UGGT1: variants seen among roughly 807,000 people sequenced by gnomAD.
UGGT1 encodes UDP-glucose glycoprotein glucosyltransferase 1.
UGGT1 carries 107 observed loss-of-function variants against 203.9 expected under a neutral mutation model. The observed-to-expected ratio is 0.52, with a 90% CI of 0.45 to 0.62. The LOEUF (loss-of-function observed/expected upper bound fraction) is 0.62, where lower values mean the gene tolerates loss of function less well. UGGT1 is among the 20% of genes least tolerant of loss of function. The pLI, the probability that UGGT1 is intolerant of heterozygous loss-of-function variation, is 0.00. For missense variants in UGGT1, 1,673 were observed against 1,867.2 expected, an observed-to-expected ratio of 0.90 and a Z score of 1.92; for synonymous variants, 628 against 653.5, an observed-to-expected ratio of 0.96 and a Z score of 0.59.
In UGGT1 at chr2:128,107,960, T is replaced by G. The variant is rs1286522355; in HGVS notation, c.300T>G (p.His100Gln). Residue 100 changes from histidine to glutamine, a missense_variant, in exon 4 of 41, where the codon CAT (histidine) becomes CAG (glutamine). Coordinates refer to ENST00000259253, the MANE Select transcript of UGGT1 (RefSeq NM_020120.4). Reference protein sequence around the residue: ...DHDGTDYSYYHAILEAAFQFL... With the variant: ...DHDGTDYSYYQAILEAAFQFL... ...CAGGTACCGATTATTCCTACTATCA[T>G]GCAATATTGGAGGCTGCATTTCAGT... 6.2e-7 allele frequency: 1 copy of G among 1,614,066 alleles called. No homozygotes were observed. The highest frequency in any genetic ancestry group is 8.5e-7 in the Non-Finnish European group (1 of 1,180,018).
intron 26 of UGGT1, among the ~76,000 whole-genome samples, chr2:128,168,975 A>T (rs555787618): frequency 7.5e-6 from 1 of 132,786 alleles, no homozygotes; most frequent in Admixed American, 8.8e-5. Context: ...TGAGCCGGGG[A>T]GGTGGAGGTT....
In UGGT1 at chr2:128,180,383, A is replaced by G. The variant is rs150741227; in HGVS notation, c.3901-507A>G. On this transcript the variant is annotated intron_variant, in intron 35 of 40. Transcript: ENST00000259253. ...TAGAATTTACTAAGTGACTTTTAATATATTCAATAACCATTCTCCTTGATA... is the reference window on the plus strand; with the variant it reads ...TAGAATTTACTAAGTGACTTTTAATGTATTCAATAACCATTCTCCTTGATA... 2.7e-3 allele frequency among the ~76,000 whole-genome samples: 415 copies of G among 152,332 alleles called. 2 individuals are homozygous for G. Among genetic ancestry groups the G allele is most frequent in the African/African-American group, 9.5e-3 (396 of 41,584 alleles).
At chr2:128,183,899 G>T in intron 38 of UGGT1, 110 bp downstream of exon 38, 9 of 593,742 alleles carry the variant, frequency 1.5e-5, no homozygotes, top group East Asian at 3.8e-5. Flanking sequence ...ATGGCGTCTT[G>T]TTTTTTCATG....
Position 128,161,132 on chromosome 2 carries a change from T to C in UGGT1, c.2695-6T>C, listed in dbSNP as rs1354555140. 6.2e-7 allele frequency: 1 copy of C among 1,613,712 alleles called. No homozygotes were observed. Among genetic ancestry groups the C allele is most frequent in the Non-Finnish European group, 8.5e-7 (1 of 1,179,824 alleles). ...AGCTAAGCGCCTGCTCTTCTCTCCTTCACAGATCATTGGGCCACTGGAGGA... is the reference window on the plus strand; with the variant it reads ...AGCTAAGCGCCTGCTCTTCTCTCCTCCACAGATCATTGGGCCACTGGAGGA... On this transcript the variant is annotated splice_polypyrimidine_tract_variant and splice_region_variant and intron_variant, in intron 24 of 40. Transcript: ENST00000259253.
rs578018332 is a variant in UGGT1, at chr2:128,172,631, A to G, written c.3163A>G (p.Lys1055Glu). Reference sequence around the variant, plus strand: ...TTTCACTTCAGACAATAGTTTTGCTAAGGGTCCAATCGCAAAATTTTTGGA... The same window carrying G: ...TTTCACTTCAGACAATAGTTTTGCTGAGGGTCCAATCGCAAAATTTTTGGA... Reference protein sequence around the residue: ...ISFTSDNSFAKGPIAKFLDMP... With the variant: ...ISFTSDNSFAEGPIAKFLDMP... The change falls in exon 29 of 41, where the codon AAG becomes GAG. Residue 1055 changes from lysine to glutamate, a missense_variant. By Grantham distance (56) the Lys-to-Glu change is moderately conservative. Around this residue, in one of 4 missense-constraint regions of UGGT1, gnomAD observed 513 missense variants for 684.1 expected, o/e 0.75. Coordinates refer to ENST00000259253, the MANE Select transcript of UGGT1 (RefSeq NM_020120.4). 2 of 1,614,136 alleles carry G rather than the reference A, an allele frequency of 1.2e-6. No homozygotes were observed. Among genetic ancestry groups the G allele is most frequent in the East Asian group, 2.2e-5 (1 of 44,880 alleles).
At chr2:128,156,240 G>A in intron 20 of UGGT1, 152 bp from the exon 21 acceptor site, 1 of 636,332 alleles carries the variant, frequency 1.6e-6, no homozygotes. Context: ...GTTTCTTAGG[G>A]TACTGGGACA....
Position 128,191,194 on chromosome 2 carries a change from T to A in UGGT1, c.*1452T>A, listed in dbSNP as rs1692249137. On this transcript the variant is annotated 3_prime_UTR_variant, in exon 41 of 41. Transcript: ENST00000259253. ...ACGAGGAGAGGGTGCAGATGGATAC[T>A]GTGCCCTCACCCTCCTAAGCCAGGT... 1 of 152,256 alleles carries A rather than the reference T, an allele frequency of 6.6e-6. No homozygotes were observed. The highest frequency in any genetic ancestry group is 6.5e-5 in the Admixed American group (1 of 15,282). The allele number at this position is 152,256 out of a possible 1,614,324, so 9.4% of individuals were successfully genotyped here.
chr2:128,163,787 A>G (rs1036887165), intron 25 of UGGT1, among the ~76,000 whole-genome samples: 2 of 152,220 alleles, frequency 1.3e-5, no homozygotes, highest in African/African-American at 4.8e-5. Context: ...TTCAGTGTTA[A>G]TTGTAATAGT....
At chr2:128,145,193 C>T (rs187963142) in intron 17 of UGGT1, among the ~76,000 whole-genome samples, 21 of 152,196 alleles carry the variant, frequency 1.4e-4, no homozygotes, top group Non-Finnish European at 2.5e-4. Context: ...GAATTGGGTG[C>T]AAATATTTAC....
At chr2:128,093,663 G>C (rs1004249647) in intron 1 of UGGT1, among the ~76,000 whole-genome samples, 1 of 152,238 alleles carries the variant, frequency 6.6e-6, no homozygotes, top group Non-Finnish European at 1.5e-5. Flanking sequence ...TCTGCACAGA[G>C]TATGGCTTTT....
At position 128,112,762 on chromosome 2, in the gene UGGT1, A is replaced by T. The variant is rs1687929402; in HGVS notation, c.522-322A>T. Among the ~76,000 whole-genome samples, 3 of 150,928 alleles carry T rather than the reference A, an allele frequency of 2.0e-5. 1 individual carries two copies. Among genetic ancestry groups the T allele is most frequent in the South Asian group, 4.2e-4 (2 of 4,790 alleles). On this transcript the variant is annotated intron_variant, in intron 5 of 40. Transcript: ENST00000259253. ...CATACCCAGCTAATTTTCGTTATTT[A>T]TTGTAGAGTCGAGGTTTTGCTATGT...
rs943196335 is a variant in UGGT1, at chr2:128,193,458, G to A, written c.*3716G>A. ...GTAGAGATGGGGTTTTACCATGTTG[G>A]TTGGCCAGGCTGATCTCAAACTCCT... On this transcript the variant is annotated 3_prime_UTR_variant, in exon 41 of 41. Transcript: ENST00000259253. The A allele has an allele frequency of 2.0e-5, 3 of 152,036 alleles. No homozygotes were observed. The highest frequency in any genetic ancestry group is 2.9e-5 in the Non-Finnish European group (2 of 68,072). The allele number at this position is 152,036 out of a possible 1,614,324, so 9.4% of individuals were successfully genotyped here. A position where few individuals can be genotyped will look rare whatever the true frequency, so the allele number is the denominator to read the frequency against.
rs531455182 is a variant in UGGT1 at position 128,188,420 on chromosome 2, A to G, written c.4642+806A>G. ...TATTTAATTTAGTGTTAAGTCTTTA[A>G]TGTCTTCCCTGTTGTGTGTGTCTTG... On this transcript the variant is annotated intron_variant, in intron 40 of 40. Transcript: ENST00000259253. Among the ~76,000 whole-genome samples, 3 of 152,264 alleles carry G rather than the reference A, an allele frequency of 2.0e-5. No individual in the cohort carries two copies. In the South Asian group the frequency reaches 6.2e-4, roughly 32 times the overall value.
chr2:128,143,930 A>G (rs1689559472), intron 17 of UGGT1, among the ~76,000 whole-genome samples: 1 of 152,156 alleles, frequency 6.6e-6, no homozygotes, highest in African/African-American at 2.4e-5. Context: ...TGCTTCTAAT[A>G]AATGTCATTG....
At chr2:128,131,035 C>T (rs1354091241) in intron 13 of UGGT1, among the ~76,000 whole-genome samples, 1 of 151,160 alleles carries the variant, frequency 6.6e-6, no homozygotes, top group Non-Finnish European at 1.5e-5. Context: ...GAGTTCGCGA[C>T]CAGCCTGGGC....
At position 128,160,500 on chromosome 2, in the gene UGGT1, C is replaced by A; in HGVS notation, c.2603C>A (p.Ser868Tyr). Residue 868 changes from serine to tyrosine, a missense_variant, in exon 24 of 41, where the codon TCC becomes TAC. Physicochemically the swap from Ser to Tyr is moderately radical, Grantham distance 144. This residue lies in a region of UGGT1 where 1,073 missense variants were observed against 1,078.7 expected (regional missense o/e 0.99). Transcript: ENST00000259253. ...FSLFKEVFES[S>Y]KMDFILSHAV... ...CTTTTTAAAGAGGTCTTTGAGTCTT[C>A]CAAAATGGATTTCATTTTGTCTCAT... 6.2e-7 allele frequency: 1 copy of A among 1,612,216 alleles called. No homozygotes were observed. Among genetic ancestry groups the A allele is most frequent in the Non-Finnish European group, 8.5e-7 (1 of 1,179,460 alleles).
chr2:128,093,994 C>T (rs1034628750), intron 1 of UGGT1, among the ~76,000 whole-genome samples: 1 of 152,146 alleles, frequency 6.6e-6, no homozygotes, highest in Non-Finnish European at 1.5e-5. Context: ...ATGTTTAGCT[C>T]AGAGTCATTG....
At chr2:128,109,794 C>A in intron 5 of UGGT1, 48 bp downstream of exon 5, 1 of 1,484,598 alleles carries the variant, frequency 6.7e-7, no homozygotes, top group Non-Finnish European at 9.4e-7. Flanking sequence ...TCCAGTGCTG[C>A]TTCTGCATTT....
chr2:128,161,215 C>T lies in UGGT1; in HGVS notation c.2772C>T (p.Thr924=), dbSNP rs763654972. ...TCCTCGAAAATATCATCTTAAAAAC[C>T]TCAGGACAGAAAATAAAATCTCATA... ...FHLLENIILK[T]SGQKIKSHIQ... The change falls in exon 25 of 41, where the codon ACC becomes ACT. Residue 924 remains threonine (T), a synonymous_variant. Coordinates refer to ENST00000259253, the MANE Select transcript of UGGT1 (RefSeq NM_020120.4). 1 of 1,613,982 alleles carries T rather than the reference C, an allele frequency of 6.2e-7. No homozygotes were observed. Among genetic ancestry groups the T allele is most frequent in the Non-Finnish European group, 8.5e-7 (1 of 1,179,972 alleles).
Sources: allele counts gnomAD v4.1 joint callset (sites outside exome capture counted in the v4.1 genomes callset), GRCh38; gene constraint gnomAD v4.1.1; regional missense constraint gnomAD v4.1.1; transcripts MANE v1.5; gene names NCBI Gene and HGNC (gene_info 2026-07-23, HGNC 2026-07-21).